The following POLR3B variants were observed in gnomAD, a reference collection of about 807,000 sequenced individuals.
The protein encoded by POLR3B is DNA-directed RNA polymerase III subunit RPC2.
Under a neutral mutation model 147.4 loss-of-function variants are expected in POLR3B, and 96 were observed. The observed-to-expected ratio is 0.65, with a 90% CI of 0.55 to 0.77. The LOEUF is 0.77. Ranked by LOEUF, POLR3B falls within the 30% of genes least tolerant of loss-of-function variation. The pLI, the probability that POLR3B is intolerant of heterozygous loss-of-function variation, is 0.00. For missense variants in POLR3B, 1,036 were observed against 1,413.5 expected, an observed-to-expected ratio of 0.73 and a Z score of 4.28; for synonymous variants, 461 against 485.9, an observed-to-expected ratio of 0.95 and a Z score of 0.67.
At chr12:106,457,073 A>G in intron 20 of POLR3B, 65 bp from the exon 21 acceptor site, 1 of 1,401,712 alleles carries the variant, frequency 7.1e-7, no homozygotes, top group South Asian at 1.2e-5. Flanking sequence ...GAGTAGCACA[A>G]ATCCATATTT....
chr12:106,401,107 A>G (rs1199909097), intron 10 of POLR3B, among the ~76,000 whole-genome samples: 1 of 152,198 alleles, frequency 6.6e-6, no homozygotes, highest in East Asian at 1.9e-4. Context: ...AAAGAGAAGA[A>G]TCAAATAGAC....
At position 106,509,648 on chromosome 12, in the gene POLR3B, CTTG is replaced by C; in HGVS notation, c.*100_*102del. The C allele has an allele frequency of 9.1e-7, 1 of 1,093,678 alleles. No individual in the cohort carries two copies. The highest frequency in any genetic ancestry group is 1.5e-5 in the African/African-American group (1 of 64,836). The allele number at this position is 1,093,678 out of a possible 1,614,324, so 67.7% of individuals were successfully genotyped here. A position where few individuals can be genotyped will look rare whatever the true frequency, so the allele number is the denominator to read the frequency against. Reference sequence around the variant, plus strand: ...TACGTCTCCTCCTGTGAAGAATTCCCTTGCGTATTCTCTCTCTAAAACAACCAA... The same window carrying C: ...TACGTCTCCTCCTGTGAAGAATTCCCCGTATTCTCTCTCTAAAACAACCAA... On this transcript the variant is annotated 3_prime_UTR_variant, in exon 28 of 28. Coordinates refer to ENST00000228347, the MANE Select transcript of POLR3B (RefSeq NM_018082.6).
At chr12:106,406,550 A>G (rs994033167) in intron 11 of POLR3B, among the ~76,000 whole-genome samples, 4 of 152,218 alleles carry the variant, frequency 2.6e-5, no homozygotes, top group Non-Finnish European at 5.9e-5. Flanking sequence ...TTCATCTTCT[A>G]GACCTTGAAT....
intron 9 of POLR3B, among the ~76,000 whole-genome samples, chr12:106,384,713 T>C (rs2036811314): frequency 6.6e-6 from 1 of 152,194 alleles, no homozygotes. Context: ...GCAAACAGGC[T>C]GTGATGTGCC....
intron 9 of POLR3B, among the ~76,000 whole-genome samples, chr12:106,386,424 AG>A (rs1158520314): frequency 1.3e-5 from 2 of 151,606 alleles, no homozygotes; most frequent in Non-Finnish European, 2.9e-5. Context: ...ATGCATCCAA[AG>A]GACTTTTTTT....
Position 106,372,486 on chromosome 12 carries a change from C to T in POLR3B, c.404+2803C>T, listed in dbSNP as rs111352905. Among the ~76,000 whole-genome samples the T allele has an allele frequency of 9.4e-4, 143 of 151,758 alleles. 2 individuals are homozygous for T. Among genetic ancestry groups the T allele is most frequent in the African/African-American group, 2.9e-3 (122 of 41,396 alleles). Reference sequence around the variant, plus strand: ...CCGAGTAGCTGGGATTACAGGTGCCCGCCACCACGCCTGGCTAATTTTTTT... The same window carrying T: ...CCGAGTAGCTGGGATTACAGGTGCCTGCCACCACGCCTGGCTAATTTTTTT... On this transcript the variant is annotated intron_variant, in intron 6 of 27. Transcript: ENST00000228347.
chr12:106,379,329 T>C (rs983584752), intron 8 of POLR3B, among the ~76,000 whole-genome samples: 2 of 152,238 alleles, frequency 1.3e-5, no homozygotes, highest in Non-Finnish European at 2.9e-5. Flanking sequence ...CTTTGTTTTC[T>C]AGTTATGAGG....
At chr12:106,484,606 A>G (rs1319430381) in intron 23 of POLR3B, among the ~76,000 whole-genome samples, 1 of 152,080 alleles carries the variant, frequency 6.6e-6, no homozygotes, top group East Asian at 1.9e-4. Context: ...AAAAAAGTGT[A>G]AACAAAAATA....
chr12:106,482,517 G>A (rs2038281942), intron 23 of POLR3B, among the ~76,000 whole-genome samples: 1 of 152,100 alleles, frequency 6.6e-6, no homozygotes, highest in South Asian at 2.1e-4. Flanking sequence ...GAGAGAAGGG[G>A]GAGGTGCTAC....
rs753499989 is a variant in POLR3B, at chr12:106,457,244, G to A, written c.2400G>A (p.Arg800=). 1.2e-6 allele frequency: 2 copies of A among 1,613,820 alleles called. No homozygotes were observed. The highest frequency in any genetic ancestry group is 3.3e-5 in the Admixed American group (2 of 59,992). ...VMGPMLDAAT[R]KPIWRHEILD... Reference sequence around the variant, plus strand: ...GGCCCATGTTGGATGCTGCTACAAGGAAACCTATCTGGCGACATGAAATCT... The same window carrying A: ...GGCCCATGTTGGATGCTGCTACAAGAAAACCTATCTGGCGACATGAAATCT... Residue 800 remains arginine (R), a synonymous_variant, in exon 21 of 28, where the codon AGG becomes AGA. Transcript: ENST00000228347.
chr12:106,476,120 T>A (rs2038166575), intron 23 of POLR3B, among the ~76,000 whole-genome samples: 1 of 135,600 alleles, frequency 7.4e-6, no homozygotes, highest in African/African-American at 2.8e-5. Flanking sequence ...TCTCCTTCAC[T>A]TATGAAGCTT....
At chr12:106,369,168 A>C (rs545144571) in intron 4 of POLR3B, 107 bp from the exon 5 acceptor site, 2 of 770,496 alleles carry the variant, frequency 2.6e-6, no homozygotes, top group Admixed American at 1.7e-5. Flanking sequence ...CCTTACCAAG[A>C]TAAGCATTTA....
chr12:106,424,059 G>A (rs919118766), intron 12 of POLR3B, among the ~76,000 whole-genome samples: 3 of 152,154 alleles, frequency 2.0e-5, no homozygotes, highest in Middle Eastern at 3.4e-3. Flanking sequence ...GTTTCACCAT[G>A]TTGCGAGGCT....
chr12:106,428,838 A>G (rs2037470188), intron 13 of POLR3B, among the ~76,000 whole-genome samples: 1 of 152,214 alleles, frequency 6.6e-6, no homozygotes, highest in Non-Finnish European at 1.5e-5. Flanking sequence ...CAGAAACTCA[A>G]GGTTCCAAAG....
intron 25 of POLR3B, among the ~76,000 whole-genome samples, chr12:106,499,043 A>G (rs1414017137): frequency 2.6e-5 from 4 of 152,242 alleles, no homozygotes; most frequent in Non-Finnish European, 4.4e-5. Flanking sequence ...TTGCCTATTA[A>G]AACTATAATA....
At position 106,433,781 on chromosome 12, in the gene POLR3B, A is replaced by G; in HGVS notation, c.1690A>G (p.Arg564Gly). ...KLVNTFRLMRRAGYINEFVSI... is the reference protein window; with the variant it reads ...KLVNTFRLMRGAGYINEFVSI... Reference sequence around the variant, plus strand: ...AGTGAATACATTTCGACTCATGAGAAGAGCAGGATATATCAATGAATTTGT... The same window carrying G: ...AGTGAATACATTTCGACTCATGAGAGGAGCAGGATATATCAATGAATTTGT... The change falls in exon 16 of 28, where the codon AGA (arginine) becomes GGA (glycine). Residue 564 changes from arginine to glycine, a missense_variant. Physicochemically the swap from Arg to Gly is moderately radical, Grantham distance 125. Transcript: ENST00000228347. 1.9e-6 allele frequency: 3 copies of G among 1,613,222 alleles called. No homozygotes were observed. The highest frequency in any genetic ancestry group is 2.5e-6 in the Non-Finnish European group (3 of 1,179,206).
At chr12:106,392,724 G>A (rs1397116222) in intron 9 of POLR3B, among the ~76,000 whole-genome samples, 1 of 152,186 alleles carries the variant, frequency 6.6e-6, no homozygotes, top group East Asian at 1.9e-4. Flanking sequence ...ATGACCAGTT[G>A]TCTTTACCAT....
At chr12:106,358,032 G>T in intron 1 of POLR3B, 81 bp downstream of exon 1, 2 of 1,575,780 alleles carry the variant, frequency 1.3e-6, no homozygotes, top group Non-Finnish European at 1.7e-6. Flanking sequence ...GGGCCGCCAA[G>T]GGGGCGGGCT....
At chr12:106,379,093 C>G (rs747103804) in intron 8 of POLR3B, among the ~76,000 whole-genome samples, 15 of 152,182 alleles carry the variant, frequency 9.9e-5, no homozygotes, top group Non-Finnish European at 2.2e-4. Context: ...GGAGTACTTA[C>G]TAGGAGCCAG....
Sources: allele counts gnomAD v4.1 joint callset (sites outside exome capture counted in the v4.1 genomes callset), GRCh38; gene constraint gnomAD v4.1.1; transcripts MANE v1.5; gene names NCBI Gene and HGNC (gene_info 2026-07-23, HGNC 2026-07-21).